The following GRXCR1 variants were observed in gnomAD, a reference collection of about 807,000 sequenced individuals.
The protein encoded by GRXCR1 is glutaredoxin domain-containing cysteine-rich protein 1.
In GRXCR1, 27 loss-of-function variants were observed where a neutral mutation model predicts 27.3. That is an observed-to-expected ratio of 0.99 (90% CI 0.73 to 1.37). GRXCR1 has a LOEUF of 1.37. GRXCR1 is among the 40% of genes most tolerant of loss of function. GRXCR1 has a pLI of 0.00. For missense variants in GRXCR1, 379 were observed against 354.4 expected (o/e 1.07, Z -0.56); for synonymous variants, 122 against 131.1 (o/e 0.93, Z 0.47).
At chr4:42,993,453 G>GT (rs1471681532) in intron 2 of GRXCR1, among the ~76,000 whole-genome samples, 1 of 151,868 alleles carries the variant, frequency 6.6e-6, no homozygotes, top group Non-Finnish European at 1.5e-5. Context: ...TTGGAATGGG[G>GT]TTATGTCTCG....
chr4:42,930,269 A>C (rs1747272221), intron 1 of GRXCR1, among the ~76,000 whole-genome samples: 1 of 152,012 alleles, frequency 6.6e-6, no homozygotes, highest in Non-Finnish European at 1.5e-5. Flanking sequence ...CATTGTGCTA[A>C]AATTCCATTG....
intron 2 of GRXCR1, among the ~76,000 whole-genome samples, chr4:42,971,828 T>A (rs572475933): frequency 6.6e-6 from 1 of 152,136 alleles, no homozygotes; most frequent in Non-Finnish European, 1.5e-5. Flanking sequence ...GAAAGTAGGA[T>A]ACACTTCACT....
At chr4:43,015,349 G>A (rs28489612) in intron 2 of GRXCR1, among the ~76,000 whole-genome samples, 10,137 of 152,136 alleles carry the variant, frequency 0.067, 1,057 homozygotes, top group African/African-American at 0.22. Context: ...ATAAATGGCA[G>A]GGAAGCAGTT....
chr4:43,016,025 G>C (rs1712921802), intron 2 of GRXCR1, among the ~76,000 whole-genome samples: 1 of 152,046 alleles, frequency 6.6e-6, no homozygotes, highest in African/African-American at 2.4e-5. Flanking sequence ...ATGTTTGATT[G>C]TTTTCTTTTT....
At chr4:42,918,954 A>G (rs914996843) in intron 1 of GRXCR1, among the ~76,000 whole-genome samples, 2 of 152,142 alleles carry the variant, frequency 1.3e-5, no homozygotes, top group African/African-American at 4.8e-5. Flanking sequence ...GATGGTCAAA[A>G]CACAAGAATT....
chr4:42,960,915 A>G (rs1479692502), intron 1 of GRXCR1, among the ~76,000 whole-genome samples: 2 of 151,846 alleles, frequency 1.3e-5, no homozygotes, highest in African/African-American at 4.8e-5. Context: ...AATGTGTGCC[A>G]TGGTGGTTTG....
chr4:42,911,732 T>C (rs762849603), intron 1 of GRXCR1, among the ~76,000 whole-genome samples: 1 of 152,158 alleles, frequency 6.6e-6, no homozygotes, highest in Non-Finnish European at 1.5e-5. Flanking sequence ...AGTTACCTCA[T>C]CTGTAAATTG....
Position 43,000,461 on chromosome 4 carries a change from C to A in GRXCR1, c.628-19893C>A, listed in dbSNP as rs150640799. Among the ~76,000 whole-genome samples the A allele has an allele frequency of 4.2e-5, 5 of 118,200 alleles. No homozygotes were observed. In the South Asian group the frequency reaches 1.4e-3, roughly 34 times the overall value. The allele number at this position is 118,200 out of a possible 152,430, so 77.5% of individuals were successfully genotyped here. A position where few individuals can be genotyped will look rare whatever the true frequency, so the allele number is the denominator to read the frequency against. ...ACTGCACTCCAGCCTGGTGACAGAG[C>A]GAGGCTCTATCTTAAAAAAAAAAAA... On this transcript the variant is annotated intron_variant, in intron 2 of 3. Coordinates refer to ENST00000399770, the MANE Select transcript of GRXCR1 (RefSeq NM_001080476.3).
In GRXCR1 at chr4:42,892,848, C is replaced by G. The variant is rs1577894174; in HGVS notation, c.-419C>G. Among the ~76,000 whole-genome samples, 1 of 152,262 alleles carries G rather than the reference C, an allele frequency of 6.6e-6. No individual in the cohort carries two copies. Among genetic ancestry groups the G allele is most frequent in the East Asian group, 1.9e-4 (1 of 5,168 alleles). On this transcript the variant is annotated 5_prime_UTR_variant, in exon 1 of 4. Coordinates refer to ENST00000399770, the MANE Select transcript of GRXCR1 (RefSeq NM_001080476.3). ...TGGTTCCACATTTTACCTCTAACCT[C>G]TGGTTTGGACAATGAATAGTAGAGA...
At chr4:42,934,292 A>G (rs562720437) in intron 1 of GRXCR1, among the ~76,000 whole-genome samples, 1 of 151,218 alleles carries the variant, frequency 6.6e-6, no homozygotes, top group Non-Finnish European at 1.5e-5. Context: ...GCATATCCGA[A>G]GTACTGTTTG....
chr4:42,981,220 C>A (rs137987372), intron 2 of GRXCR1, among the ~76,000 whole-genome samples: 1 of 149,716 alleles, frequency 6.7e-6, no homozygotes, highest in Non-Finnish European at 1.5e-5. Flanking sequence ...CTCTACTATG[C>A]TATGCTTTGT....
chr4:42,907,475 T>A (rs1365029294), intron 1 of GRXCR1, among the ~76,000 whole-genome samples: 1 of 152,202 alleles, frequency 6.6e-6, no homozygotes, highest in East Asian at 1.9e-4. Flanking sequence ...CTAGCACTTC[T>A]ACTCAATTAG....
chr4:42,941,903 T>A (rs1045633771), intron 1 of GRXCR1, among the ~76,000 whole-genome samples: 1 of 152,110 alleles, frequency 6.6e-6, no homozygotes, highest in African/African-American at 2.4e-5. Flanking sequence ...TTTCCCTCTT[T>A]AAAAAAAATA....
chr4:42,896,513 T>C (rs1303151578), intron 1 of GRXCR1, among the ~76,000 whole-genome samples: 1 of 152,072 alleles, frequency 6.6e-6, no homozygotes, highest in African/African-American at 2.4e-5. Context: ...CTAGCTGTTC[T>C]AGATTATGGC....
intron 2 of GRXCR1, among the ~76,000 whole-genome samples, chr4:42,964,242 A>T (rs1004394310): frequency 6.6e-6 from 1 of 152,008 alleles, no homozygotes; most frequent in Non-Finnish European, 1.5e-5. Context: ...GTAAAAAAAT[A>T]AATAATAATA....
chr4:43,014,451 T>C (rs1712867798), intron 2 of GRXCR1, among the ~76,000 whole-genome samples: 1 of 152,112 alleles, frequency 6.6e-6, no homozygotes, highest in African/African-American at 2.4e-5. Flanking sequence ...CGGGTCGAAC[T>C]CCTTCAATGC....
At position 42,892,964 on chromosome 4, in the gene GRXCR1, C is replaced by T. The variant is rs181586433; in HGVS notation, c.-303C>T. Among the ~76,000 whole-genome samples, 4 of 152,188 alleles carry T rather than the reference C, an allele frequency of 2.6e-5. No homozygotes were observed. Among genetic ancestry groups the T allele is most frequent in the East Asian group, 1.9e-4 (1 of 5,164 alleles). On this transcript the variant is annotated 5_prime_UTR_variant, in exon 1 of 4. Transcript: ENST00000399770. ...CTTGCCCCATACATATTTTCAGATT[C>T]GCTGCATGCCACTTTCTTGCACTTG...
rs57425349 is a variant in GRXCR1, at chr4:42,984,185, G to A, written c.627+21051G>A. ...CTATTCTGCTATTAATGCCTCTATC[G>A]CATTTTTCATTTTGCTCATTGTATT... is the stretch of plus-strand genomic sequence containing the variant. On this transcript the variant is annotated intron_variant, in intron 2 of 3. Coordinates refer to ENST00000399770, the MANE Select transcript of GRXCR1 (RefSeq NM_001080476.3). 4.0e-3 allele frequency among the ~76,000 whole-genome samples: 612 copies of A among 152,076 alleles called. 2 individuals are homozygous for A. The highest frequency in any genetic ancestry group is 0.014 in the African/African-American group (563 of 41,480).
intron 2 of GRXCR1, among the ~76,000 whole-genome samples, chr4:43,011,228 C>T (rs1712740052): frequency 6.6e-6 from 1 of 152,142 alleles, no homozygotes; most frequent in Admixed American, 6.5e-5. Flanking sequence ...TTCTGTTTTC[C>T]CTTCCAGGTC....
Sources: gnomAD v4.1 joint callset for allele counts (sites outside exome capture counted in the v4.1 genomes callset) on GRCh38, gnomAD v4.1.1 for gene constraint, MANE v1.5 for transcripts, NCBI Gene and HGNC (gene_info 2026-07-23, HGNC 2026-07-21) for gene names.